The following FN1 variants were observed in gnomAD, a reference collection of about 807,000 sequenced individuals.
FN1 encodes fibronectin 1.
A neutral mutation model predicts 297.3 loss-of-function variants in FN1; 106 were observed. The ratio of observed to expected loss-of-function variants is 0.36; its 90% CI spans 0.30 to 0.42. FN1 has a LOEUF of 0.42. FN1 is among the 10% of genes least tolerant of loss of function. The pLI, the probability that FN1 is intolerant of heterozygous loss-of-function variation, is 1.00. For missense variants in FN1, 2,690 were observed against 3,124.9 expected (o/e 0.86, Z 3.32); for synonymous variants, 1,149 against 1,152.6 (o/e 1.00, Z 0.06).
In FN1 at chr2:215,372,129, C is replaced by G. The variant is rs768649623; in HGVS notation, c.6494G>C (p.Arg2165Thr). The change falls in exon 40 of 46, where the codon AGA (arginine) becomes ACA (threonine). Residue 2165 changes from arginine (R) to threonine (T), a missense_variant. By Grantham distance (71) the Arg-to-Thr change is moderately conservative. Transcript: ENST00000354785. ...TTATPIRHRP[R>T]PYPPNVGEEI... ...CTCACCTACATTCGGCGGGTATGGT[C>G]TTGGCCTATGCCTTATGGGGGTGGC... The G allele has an allele frequency of 2.5e-6, 4 of 1,614,210 alleles. No homozygotes were observed. The highest frequency in any genetic ancestry group is 2.2e-5 in the East Asian group (1 of 44,886).
At chr2:215,427,472 T>C (rs1490941607) in intron 6 of FN1, among the ~76,000 whole-genome samples, 1 of 152,222 alleles carries the variant, frequency 6.6e-6, no homozygotes, top group Non-Finnish European at 1.5e-5. Context: ...GAAACATTTA[T>C]GACGTAAAAA....
intron 26 of FN1, among the ~76,000 whole-genome samples, chr2:215,389,364 A>G (rs1318368984): frequency 6.6e-6 from 1 of 152,100 alleles, no homozygotes; most frequent in Non-Finnish European, 1.5e-5. Flanking sequence ...TGGCCTCTCA[A>G]AGTGCTGGGA....
At position 215,394,362 on chromosome 2, in the gene FN1, T is replaced by G. The variant is rs531042636; in HGVS notation, c.3796+166A>C. Among the ~76,000 whole-genome samples the G allele has an allele frequency of 5.3e-5, 8 of 152,300 alleles. No homozygotes were observed. In the South Asian group the frequency reaches 1.2e-3, roughly 24 times the overall value. On this transcript the variant is annotated intron_variant, in intron 24 of 45. Coordinates refer to ENST00000354785, the MANE Select transcript of FN1 (RefSeq NM_212482.4). ...GTAAAGCAGTGTTAACAGCAAGCAT[T>G]TGTCCAAATCGCTGCTTTGACTTCT...
chr2:215,408,303 G>A lies in FN1; in HGVS notation c.2423C>T (p.Thr808Ile). 1 of 1,614,182 alleles carries A rather than the reference G, an allele frequency of 6.2e-7. No homozygotes were observed. The highest frequency in any genetic ancestry group is 1.1e-5 in the South Asian group (1 of 91,078). ...EQSLILSTSQ[T>I]TAPDAPPDTT... ...ACTATGTAGCACACATGTACCTGTT[G>A]TTTGTGAAGTAGACAGGATCAAACT... Residue 808 changes from threonine (T) to isoleucine (I), a missense_variant, in exon 16 of 46, where the codon ACA becomes ATA. This residue lies in a region of FN1 where 876 missense variants were observed against 1,058.1 expected (regional missense o/e 0.83). Transcript: ENST00000354785.
chr2:215,427,799 A>T (rs982134343), intron 6 of FN1, among the ~76,000 whole-genome samples: 2 of 152,192 alleles, frequency 1.3e-5, no homozygotes, highest in African/African-American at 4.8e-5. Context: ...CCAGGTAGTC[A>T]TATAATTAAT....
chr2:215,391,838 C>T, intron 25 of FN1, 24 bp from the exon 26 acceptor site: 1 of 1,608,400 alleles, frequency 6.2e-7, no homozygotes. Flanking sequence ...AGAAGGAAGA[C>T]TCAGTTAATG....
At chr2:215,429,703 C>T (rs1015321708) in intron 5 of FN1, among the ~76,000 whole-genome samples, 4 of 152,224 alleles carry the variant, frequency 2.6e-5, no homozygotes, top group African/African-American at 9.7e-5. Flanking sequence ...ACTTTCTCAT[C>T]TCCCTGACCC....
chr2:215,362,612 A>G, intron 44 of FN1: 1 of 159,620 alleles, frequency 6.3e-6, no homozygotes, highest in Non-Finnish European at 1.4e-5. Flanking sequence ...TTTCTAATGC[A>G]CCACTTTGCC....
chr2:215,363,381 A>G (rs200954683), intron 44 of FN1: 1 of 83,422 alleles, frequency 1.2e-5, no homozygotes, highest in African/African-American at 3.1e-5. Context: ...TTAATGGGAG[A>G]GAGAGAGAGA....
intron 26 of FN1, among the ~76,000 whole-genome samples, chr2:215,389,292 C>G (rs551982612): frequency 6.6e-6 from 1 of 151,818 alleles, no homozygotes; most frequent in African/African-American, 2.4e-5. Flanking sequence ...TTAATAGAGA[C>G]GGGGCTTCAC....
intron 42 of FN1, among the ~76,000 whole-genome samples, chr2:215,365,966 A>ATTTTTTTTTTTTTTTTTTTTT (rs559516647): frequency 5.5e-5 from 5 of 90,356 alleles, no homozygotes; most frequent in African/African-American, 1.4e-4. Context: ...CCACAGTGCT[A>ATTTTTTTTTTTTTTTTTTTTT]TTTTTTTTTT....
intron 27 of FN1, 42 bp from the exon 28 acceptor site, chr2:215,387,000 A>C: frequency 6.4e-7 from 1 of 1,565,390 alleles, no homozygotes; most frequent in Non-Finnish European, 8.7e-7. Context: ...AAAAAAAGAA[A>C]AGACACCACC....
Position 215,372,112 on chromosome 2 carries a change from C to G in FN1, c.6511G>C (p.Val2171Leu), listed in dbSNP as rs369532159. 7.4e-6 allele frequency: 12 copies of G among 1,614,118 alleles called. No homozygotes were observed. The highest frequency in any genetic ancestry group is 1.3e-5 in the African/African-American group (1 of 74,938). Residue 2171 changes from valine (V) to leucine (L), a missense_variant, in exon 40 of 46, where the codon GTA becomes CTA. Val to Leu is a conservative substitution (Grantham distance 32). Around this residue, in one of 3 missense-constraint regions of FN1, gnomAD observed 1,743 missense variants for 1,945.2 expected, o/e 0.90. Coordinates refer to ENST00000354785, the MANE Select transcript of FN1 (RefSeq NM_212482.4). Reference protein sequence around the residue: ...RHRPRPYPPNVGEEIQIGHIP... With the variant: ...RHRPRPYPPNLGEEIQIGHIP... ...TGACCAATTTGGATTTCCTCACCTACATTCGGCGGGTATGGTCTTGGCCTA... is the reference window on the plus strand; with the variant it reads ...TGACCAATTTGGATTTCCTCACCTAGATTCGGCGGGTATGGTCTTGGCCTA...
intron 30 of FN1, among the ~76,000 whole-genome samples, chr2:215,383,772 A>G (rs547977203): frequency 2.6e-4 from 40 of 152,272 alleles, no homozygotes; most frequent in Non-Finnish European, 4.9e-4. Flanking sequence ...TACTTACTGA[A>G]CACTCTCTAT....
chr2:215,419,435 C>T (rs375583473), intron 11 of FN1, 50 bp from the exon 12 acceptor site: 34 of 1,512,398 alleles, frequency 2.2e-5, no homozygotes, highest in African/African-American at 1.1e-4. Flanking sequence ...CTTATAACTA[C>T]GAATTTAATT....
At chr2:215,379,468 G>A (rs2105918178) in intron 33 of FN1, 151 bp from the exon 34 acceptor site, 2 of 651,384 alleles carry the variant, frequency 3.1e-6, no homozygotes, top group South Asian at 3.5e-5. Flanking sequence ...AGTACGTACA[G>A]TAAGGGATGC....
At chr2:215,425,477 T>C (rs1043974322) in intron 6 of FN1, among the ~76,000 whole-genome samples, 192 bp from the exon 7 acceptor site, 1 of 152,210 alleles carries the variant, frequency 6.6e-6, no homozygotes, top group Non-Finnish European at 1.5e-5. Context: ...TCCACAAGTG[T>C]CTACCAAGTG....
Position 215,424,171 on chromosome 2 carries a change from T to C in FN1, c.1191A>G (p.Lys397=). ...STTSNYEQDQ[K]YSFCTDHTVL... ...CAGTGTGGTCTGTGCAGAAAGAGTA[T>C]TTCTGGTCCTGCTCATAATTCGAAG... The change falls in exon 8 of 46, where the codon AAA becomes AAG. Residue 397 remains lysine, a synonymous_variant. Transcript: ENST00000354785. 6.2e-7 allele frequency: 1 copy of C among 1,614,184 alleles called. No homozygotes were observed.
At chr2:215,426,572 C>T (rs569852262) in intron 6 of FN1, among the ~76,000 whole-genome samples, 1 of 152,230 alleles carries the variant, frequency 6.6e-6, no homozygotes, top group South Asian at 2.1e-4. Context: ...TGCTGCTGAA[C>T]ACTAGAACCC....
Sources: allele counts gnomAD v4.1 joint callset (sites outside exome capture counted in the v4.1 genomes callset), GRCh38; gene constraint gnomAD v4.1.1; regional missense constraint gnomAD v4.1.1; transcripts MANE v1.5; gene names NCBI Gene and HGNC (gene_info 2026-07-23, HGNC 2026-07-21).